The following EYS variants were observed in gnomAD, a reference collection of about 807,000 sequenced individuals.
EYS encodes EGF-like photoreceptor maintenance factor, also known as protein eyes shut homolog.
In EYS, 250 loss-of-function variants were observed where a neutral mutation model predicts 282.1. That is an observed-to-expected ratio of 0.89 (90% CI 0.80 to 0.98). EYS has a LOEUF of 0.98. Ranked by LOEUF, EYS falls within the 50% of genes least tolerant of loss-of-function variation. EYS has a pLI of 0.00. For missense variants in EYS, 4,016 were observed against 3,709.0 expected (o/e 1.08, Z -2.15); for synonymous variants, 1,355 against 1,282.9 (o/e 1.06, Z -1.20).
At chr6:65,553,859 T>G (rs1188732505) in intron 2 of EYS, among the ~76,000 whole-genome samples, 1 of 152,076 alleles carries the variant, frequency 6.6e-6, no homozygotes, top group Non-Finnish European at 1.5e-5. Flanking sequence ...CTCATATTCA[T>G]TAATCAAAAT....
At chr6:64,122,674 A>T (rs1238422392) in intron 31 of EYS, among the ~76,000 whole-genome samples, 2 of 152,178 alleles carry the variant, frequency 1.3e-5, no homozygotes, top group Non-Finnish European at 2.9e-5. Flanking sequence ...TAAAAAAATG[A>T]AATAATATTT....
At chr6:64,143,992 A>G (rs1774431409) in intron 31 of EYS, among the ~76,000 whole-genome samples, 2 of 152,158 alleles carry the variant, frequency 1.3e-5, no homozygotes, top group Admixed American at 1.3e-4. Flanking sequence ...CTCATCTAAC[A>G]TCAAAAGCAT....
chr6:64,540,574 C>A (rs1764671474), intron 26 of EYS, among the ~76,000 whole-genome samples: 1 of 150,242 alleles, frequency 6.7e-6, no homozygotes, highest in African/African-American at 2.5e-5. Context: ...CCTCTGCTTC[C>A]CAGGTTCAAG....
chr6:64,284,437 C>G (rs1338091520), intron 30 of EYS, among the ~76,000 whole-genome samples: 1 of 152,140 alleles, frequency 6.6e-6, no homozygotes, highest in African/African-American at 2.4e-5. Context: ...CAAGGTACAG[C>G]CTCCCTCCCA....
At chr6:64,066,589 T>G (rs925149390) in intron 32 of EYS, 98 bp from the exon 33 acceptor site, 2 of 830,100 alleles carry the variant, frequency 2.4e-6, no homozygotes, top group Admixed American at 5.1e-5. Context: ...GACTAATGAT[T>G]TAGGGGGTTG....
At chr6:65,598,369 A>G (rs1765488847) in intron 2 of EYS, among the ~76,000 whole-genome samples, 1 of 151,908 alleles carries the variant, frequency 6.6e-6, no homozygotes, top group Admixed American at 6.6e-5. Flanking sequence ...GGGCACACAC[A>G]GAGAGAATAA....
chr6:65,042,835 T>C (rs1220319926), intron 13 of EYS, among the ~76,000 whole-genome samples: 1 of 129,134 alleles, frequency 7.7e-6, no homozygotes, highest in Non-Finnish European at 1.8e-5. Flanking sequence ...TAAGATTTTA[T>C]TAGCTTAATA....
intron 12 of EYS, among the ~76,000 whole-genome samples, chr6:65,192,979 C>A (rs1335339810): frequency 6.6e-6 from 1 of 151,616 alleles, no homozygotes; most frequent in Non-Finnish European, 1.5e-5. Context: ...CTATAGTCAC[C>A]CCACTATGCT....
chr6:64,839,896 T>C (rs1407186451), intron 19 of EYS, among the ~76,000 whole-genome samples: 1 of 152,044 alleles, frequency 6.6e-6, no homozygotes, highest in Non-Finnish European at 1.5e-5. Flanking sequence ...ATTTAATCAC[T>C]TCCCCCCAAA....
chr6:63,901,038 G>A (rs1773645820), intron 35 of EYS, among the ~76,000 whole-genome samples: 1 of 152,212 alleles, frequency 6.6e-6, no homozygotes, highest in South Asian at 2.1e-4. Context: ...GAAGTCGTCA[G>A]TAGAAATTAT....
At chr6:64,585,297 G>A (rs1195451170) in intron 26 of EYS, among the ~76,000 whole-genome samples, 1 of 152,036 alleles carries the variant, frequency 6.6e-6, no homozygotes, top group Non-Finnish European at 1.5e-5. Context: ...CATAGGACCA[G>A]CAGACACTTT....
chr6:65,122,976 T>C (rs1222621967), intron 12 of EYS, among the ~76,000 whole-genome samples: 1 of 152,070 alleles, frequency 6.6e-6, no homozygotes, highest in African/African-American at 2.4e-5. Flanking sequence ...ACACAATTAG[T>C]CGTGATTTCT....
chr6:65,353,721 G>A, intron 8 of EYS, 104 bp from the exon 9 acceptor site: 1 of 922,798 alleles, frequency 1.1e-6, no homozygotes, highest in Non-Finnish European at 1.7e-6. Context: ...AGTGATTATA[G>A]AAAACTTTAT....
In EYS at chr6:65,353,489, T is replaced by C. The variant is rs1235518981; in HGVS notation, c.1428A>G (p.Gln476=). The change falls in exon 9 of 43, where the codon CAA becomes CAG. Residue 476 remains glutamine (Q), a synonymous_variant. Coordinates refer to ENST00000503581, the MANE Select transcript of EYS (RefSeq NM_001142800.2). ...HGICQDKGPA[Q]FEYVWQLGFA... is the part of the protein sequence containing the mutation. Reference sequence around the variant, plus strand: ...ATCCCAATTGCCACACATATTCAAATTGAGCAGGACCTTTATCTTGGCAAA... The same window carrying C: ...ATCCCAATTGCCACACATATTCAAACTGAGCAGGACCTTTATCTTGGCAAA... The C allele has an allele frequency of 1.9e-6, 3 of 1,613,214 alleles. No individual in the cohort carries two copies. Among genetic ancestry groups the C allele is most frequent in the South Asian group, 2.2e-5 (2 of 91,058 alleles).
intron 1 of EYS, among the ~76,000 whole-genome samples, chr6:65,677,671 A>G (rs1283697151): frequency 3.3e-5 from 5 of 151,954 alleles, no homozygotes; most frequent in East Asian, 1.9e-4. Flanking sequence ...CAAAATTCCA[A>G]TGCCATTTCA....
chr6:65,267,183 T>C (rs1174538032), intron 12 of EYS, among the ~76,000 whole-genome samples: 2 of 151,808 alleles, frequency 1.3e-5, no homozygotes, highest in African/African-American at 2.4e-5. Flanking sequence ...TGCAAGGCTA[T>C]AAAAAAGCTC....
intron 39 of EYS, chr6:63,786,195 AGC>A (rs1169624811): frequency 6.9e-6 from 1 of 144,356 alleles, no homozygotes; most frequent in East Asian, 2.0e-4. Context: ...TTGATGACAC[AGC>A]GAGACTCAAA....
chr6:64,393,888 G>A (rs1270999265), intron 28 of EYS, among the ~76,000 whole-genome samples: 1 of 151,806 alleles, frequency 6.6e-6, no homozygotes, highest in Non-Finnish European at 1.5e-5. Context: ...AAACCCCATT[G>A]TCTCAGCCCA....
rs946140240 is a variant in EYS, at chr6:64,591,730, T to C, written c.4137A>G (p.Thr1379=). 1.9e-6 allele frequency: 3 copies of C among 1,551,320 alleles called. No individual in the cohort carries two copies. Among genetic ancestry groups the C allele is most frequent in the Middle Eastern group, 1.7e-4 (1 of 5,990 alleles). Residue 1379 remains threonine, a synonymous_variant, in exon 26 of 43, where the codon ACA becomes ACG. Transcript: ENST00000503581. ...SHMPIRTSAA[T]LGFFFPDRRA... is the part of the protein sequence containing the mutation. ...TCCTATCAGGAAAAAAGAAACCTAGTGTGGCTGCTGAAGTTCGAATAGGCA... is the reference window on the plus strand; with the variant it reads ...TCCTATCAGGAAAAAAGAAACCTAGCGTGGCTGCTGAAGTTCGAATAGGCA...
Sources: gnomAD v4.1 joint callset for allele counts (sites outside exome capture counted in the v4.1 genomes callset) on GRCh38, gnomAD v4.1.1 for gene constraint, MANE v1.5 for transcripts, NCBI Gene and HGNC (gene_info 2026-07-23, HGNC 2026-07-21) for gene names.